The following NEK11 variants were observed in gnomAD, a reference collection of about 807,000 sequenced individuals.
NEK11 encodes the protein NIMA related kinase 11.
NEK11 carries 72 observed loss-of-function variants against 80.7 expected under a neutral mutation model. The ratio of observed to expected loss-of-function variants is 0.89; its 90% CI spans 0.74 to 1.08. NEK11 has a LOEUF of 1.08. NEK11 is among the 50% of genes least tolerant of loss of function. NEK11 has a pLI of 0.00. For missense variants in NEK11, 764 were observed against 763.6 expected (o/e 1.00, Z -0.01); for synonymous variants, 251 against 260.7 (o/e 0.96, Z 0.36).
intron 4 of NEK11, among the ~76,000 whole-genome samples, chr3:131,104,159 G>C (rs906414622): frequency 6.6e-6 from 1 of 152,176 alleles, no homozygotes. Flanking sequence ...CAACAATCAG[G>C]CTGTTTGTTC....
intron 7 of NEK11, among the ~76,000 whole-genome samples, chr3:131,136,774 G>T (rs941810109): frequency 6.6e-6 from 1 of 152,172 alleles, no homozygotes; most frequent in Non-Finnish European, 1.5e-5. Flanking sequence ...TTTGATCACA[G>T]CTGATTTGTA....
At chr3:131,233,623 C>T (rs2095376127) in intron 15 of NEK11, among the ~76,000 whole-genome samples, 1 of 152,264 alleles carries the variant, frequency 6.6e-6, no homozygotes, top group East Asian at 1.9e-4. Context: ...ACTGAATGCT[C>T]CAGAGTCAAA....
intron 17 of NEK11, among the ~76,000 whole-genome samples, chr3:131,336,036 A>G (rs1202255806): frequency 2.0e-5 from 3 of 152,250 alleles, no homozygotes. Flanking sequence ...GAAAACGGCC[A>G]TGCTGCCCAA....
At chr3:131,279,744 T>C (rs2096365346) in intron 17 of NEK11, among the ~76,000 whole-genome samples, 1 of 152,226 alleles carries the variant, frequency 6.6e-6, no homozygotes, top group Non-Finnish European at 1.5e-5. Context: ...GTTATGAATA[T>C]GGATCTAGAT....
chr3:131,162,533 C>T lies in NEK11; in HGVS notation c.1082+6C>T, dbSNP rs1305847973. On this transcript the variant is annotated splice_donor_region_variant and intron_variant, in intron 11 of 17. Coordinates refer to ENST00000383366, the MANE Select transcript of NEK11 (RefSeq NM_024800.5). ...GAGAAAGCCAGGAAGCTGAAGTAAG[C>T]TGCTTTTCCTTTAGGCACTCATGCT... The T allele has an allele frequency of 7.4e-6, 12 of 1,613,724 alleles. No individual in the cohort carries two copies. Among genetic ancestry groups the T allele is most frequent in the Non-Finnish European group, 9.3e-6 (11 of 1,179,892 alleles).
chr3:131,197,684 A>G (rs1335302401), intron 14 of NEK11, among the ~76,000 whole-genome samples: 1 of 152,080 alleles, frequency 6.6e-6, no homozygotes, highest in Non-Finnish European at 1.5e-5. Context: ...TGCAGGCAAA[A>G]TATTTTTCCT....
chr3:131,127,755 T>G (rs542181624), intron 5 of NEK11, among the ~76,000 whole-genome samples: 15 of 152,314 alleles, frequency 9.8e-5, no homozygotes, highest in African/African-American at 3.6e-4. Flanking sequence ...TGATATTACT[T>G]TTCTCTGCCT....
chr3:131,293,325 G>C (rs2096562172), intron 17 of NEK11, among the ~76,000 whole-genome samples: 1 of 152,002 alleles, frequency 6.6e-6, no homozygotes, highest in African/African-American at 2.4e-5. Context: ...AAAAGCTTTT[G>C]TTTGTGTCTA....
chr3:131,273,445 TGAA>T, intron 16 of NEK11, 30 bp from the exon 17 acceptor site: 1 of 1,553,634 alleles, frequency 6.4e-7, no homozygotes, highest in Non-Finnish European at 8.9e-7. Context: ...GGATTGCTGA[TGAA>T]GTCAATAAGG....
intron 17 of NEK11, among the ~76,000 whole-genome samples, chr3:131,317,666 G>A (rs188937879): frequency 2.0e-5 from 3 of 151,354 alleles, no homozygotes; most frequent in African/African-American, 2.4e-5. Flanking sequence ...AGGCTGAGAC[G>A]GGAGAATTGC....
chr3:131,264,851 G>T (rs2096015271), intron 16 of NEK11, among the ~76,000 whole-genome samples: 1 of 152,166 alleles, frequency 6.6e-6, no homozygotes, highest in Non-Finnish European at 1.5e-5. Context: ...CATGAGCATG[G>T]AATGATTTTC....
chr3:131,037,270 A>G (rs2065791171), intron 3 of NEK11, among the ~76,000 whole-genome samples: 1 of 147,498 alleles, frequency 6.8e-6, no homozygotes, highest in Admixed American at 6.9e-5. Flanking sequence ...TAGTAATTAG[A>G]TAAAAAGAAC....
At chr3:131,301,378 T>C (rs1298182121) in intron 17 of NEK11, among the ~76,000 whole-genome samples, 3 of 152,140 alleles carry the variant, frequency 2.0e-5, no homozygotes, top group Non-Finnish European at 4.4e-5. Flanking sequence ...TTTGTCTTTC[T>C]TGATTGCCCT....
intron 17 of NEK11, among the ~76,000 whole-genome samples, chr3:131,337,363 C>T (rs746480956): frequency 0.011 from 1,634 of 151,044 alleles, 22 homozygotes; most frequent in East Asian, 0.083. Flanking sequence ...ACTATCGCAA[C>T]GACAAAACAC....
chr3:131,195,273 C>T (rs150310596), intron 14 of NEK11, among the ~76,000 whole-genome samples: 2,784 of 152,222 alleles, frequency 0.018, 42 homozygotes, highest in Non-Finnish European at 0.028. Flanking sequence ...AACCTCACCC[C>T]ATGCTACTAC....
chr3:131,309,545 G>A (rs1002553740), intron 17 of NEK11, among the ~76,000 whole-genome samples: 4 of 151,780 alleles, frequency 2.6e-5, no homozygotes, highest in East Asian at 3.9e-4. Context: ...GTTTCATTAC[G>A]TCTCAAAATT....
intron 16 of NEK11, among the ~76,000 whole-genome samples, chr3:131,263,480 TAGTTTGA>T (rs2095975483): frequency 6.6e-6 from 1 of 152,200 alleles, no homozygotes; most frequent in Non-Finnish European, 1.5e-5. Flanking sequence ...CCTTGTAGTA[TAGTTTGA>T]AGTCAGGTAG....
intron 3 of NEK11, among the ~76,000 whole-genome samples, chr3:131,052,646 G>A (rs1440363224): frequency 6.6e-6 from 1 of 152,130 alleles, no homozygotes; most frequent in Admixed American, 6.6e-5. Context: ...TAAGAAAACT[G>A]TAAACCTGGT....
intron 17 of NEK11, among the ~76,000 whole-genome samples, chr3:131,334,091 T>C (rs1288617811): frequency 6.6e-6 from 1 of 152,194 alleles, no homozygotes; most frequent in Non-Finnish European, 1.5e-5. Context: ...TATCCAGGAA[T>C]TGAACTCAGC....
Sources: gnomAD v4.1 joint callset for allele counts (sites outside exome capture counted in the v4.1 genomes callset) on GRCh38, gnomAD v4.1.1 for gene constraint, MANE v1.5 for transcripts, NCBI Gene and HGNC (gene_info 2026-07-23, HGNC 2026-07-21) for gene names.